SAMD4A: variants seen among roughly 807,000 people sequenced by gnomAD.
SAMD4A encodes the protein sterile alpha motif domain containing 4A.
Under a neutral mutation model 81.3 loss-of-function variants are expected in SAMD4A, and 33 were observed. The ratio of observed to expected loss-of-function variants is 0.41; its 90% CI spans 0.31 to 0.54. SAMD4A has a LOEUF of 0.54. Ranked by LOEUF, SAMD4A falls within the 20% of genes least tolerant of loss-of-function variation. The pLI is 0.37. For missense variants in SAMD4A, 854 were observed against 951.1 expected, an observed-to-expected ratio of 0.90 and a Z score of 1.34; for synonymous variants, 389 against 382.1, an observed-to-expected ratio of 1.02 and a Z score of -0.21.
At chr14:54,735,508 A>T (rs763136843) in intron 3 of SAMD4A, among the ~76,000 whole-genome samples, 33 of 152,242 alleles carry the variant, frequency 2.2e-4, no homozygotes, top group Admixed American at 1.6e-3. Context: ...CTTTTCATTC[A>T]TAAAGAAGTT....
chr14:54,733,601 T>G (rs1013254157), intron 3 of SAMD4A, among the ~76,000 whole-genome samples: 1 of 152,218 alleles, frequency 6.6e-6, no homozygotes, highest in Non-Finnish European at 1.5e-5. Context: ...TGCCAATTTC[T>G]AATCTAGGTT....
At chr14:54,583,596 G>A (rs1032730850) in intron 2 of SAMD4A, among the ~76,000 whole-genome samples, 1 of 152,082 alleles carries the variant, frequency 6.6e-6, no homozygotes, top group African/African-American at 2.4e-5. Flanking sequence ...GAGCTGATTT[G>A]AGCTTTCTTC....
chr14:54,567,903 G>A lies in SAMD4A; in HGVS notation c.-14G>A. On this transcript the variant is annotated 5_prime_UTR_variant, in exon 2 of 13. Coordinates refer to ENST00000554335, the MANE Select transcript of SAMD4A (RefSeq NM_015589.6). ...GCCCAGGGGGCTCTGTAGACCGAGG[G>A]CGGCCCCCTAACCATGATGTTTCGC... 1 of 1,601,998 alleles carries A rather than the reference G, an allele frequency of 6.2e-7. No homozygotes were observed. Among genetic ancestry groups the A allele is most frequent in the Non-Finnish European group, 8.5e-7 (1 of 1,178,084 alleles).
intron 3 of SAMD4A, among the ~76,000 whole-genome samples, chr14:54,706,363 G>T (rs2036857099): frequency 6.6e-6 from 1 of 150,998 alleles, no homozygotes; most frequent in African/African-American, 2.4e-5. Context: ...CCAGCACTTT[G>T]GGAGGCCAAG....
intron 2 of SAMD4A, among the ~76,000 whole-genome samples, chr14:54,678,476 T>TAGGTCAG (rs1333149990): frequency 6.8e-5 from 5 of 73,440 alleles, no homozygotes; most frequent in African/African-American, 8.6e-5. Context: ...TGTGTGTGTG[T>TAGGTCAG]GTGTGTGTGT....
intron 2 of SAMD4A, among the ~76,000 whole-genome samples, chr14:54,584,245 C>T (rs1187587): frequency 0.31 from 47,814 of 151,988 alleles, 7,704 homozygotes; most frequent in East Asian, 0.49. Flanking sequence ...AATTATGTGC[C>T]AGACTGACTT....
At position 54,736,923 on chromosome 14, in the gene SAMD4A, C is replaced by T. The variant is rs1007845888; in HGVS notation, c.716-101C>T. ...TGTGACCATGGATGGAGTTGTAAGA[C>T]AGTTAGTGGTATCTCTCAGGGTTAA... On this transcript the variant is annotated intron_variant, in intron 3 of 12. Coordinates refer to ENST00000554335, the MANE Select transcript of SAMD4A (RefSeq NM_015589.6). The T allele has an allele frequency of 3.0e-6, 4 of 1,334,956 alleles. No individual in the cohort carries two copies. In the Admixed American group the frequency reaches 7.5e-5, roughly 25 times the overall value. 82.7% of individuals were successfully genotyped at this position (1,334,956 alleles called of 1,614,324 possible).
At chr14:54,727,967 G>A (rs1325110714) in intron 3 of SAMD4A, among the ~76,000 whole-genome samples, 2 of 152,162 alleles carry the variant, frequency 1.3e-5, no homozygotes, top group East Asian at 1.9e-4. Flanking sequence ...CTCACAGCCT[G>A]TTCTTTTTGC....
chr14:54,630,026 G>T (rs2034856554), intron 2 of SAMD4A, among the ~76,000 whole-genome samples: 1 of 152,138 alleles, frequency 6.6e-6, no homozygotes, highest in Admixed American at 6.5e-5. Flanking sequence ...TTTGGAGGTT[G>T]AATAATATTC....
chr14:54,657,988 C>T (rs998661586), intron 2 of SAMD4A, among the ~76,000 whole-genome samples: 1 of 152,178 alleles, frequency 6.6e-6, no homozygotes, highest in Non-Finnish European at 1.5e-5. Flanking sequence ...GAATTGAACT[C>T]CACGAAGTAG....
intron 2 of SAMD4A, among the ~76,000 whole-genome samples, chr14:54,617,736 A>G (rs1484820394): frequency 3.3e-5 from 5 of 152,228 alleles, no homozygotes; most frequent in African/African-American, 1.2e-4. Flanking sequence ...ACTGATGACA[A>G]CTTTAAAGTG....
chr14:54,642,969 G>A (rs1053643257), intron 2 of SAMD4A, among the ~76,000 whole-genome samples: 1 of 152,220 alleles, frequency 6.6e-6, no homozygotes, highest in Non-Finnish European at 1.5e-5. Context: ...CCTGGACTGT[G>A]AGGGAAACAA....
intron 2 of SAMD4A, among the ~76,000 whole-genome samples, chr14:54,604,621 A>G (rs1742849383): frequency 6.6e-6 from 1 of 152,244 alleles, no homozygotes; most frequent in Admixed American, 6.5e-5. Flanking sequence ...CTGAAAATTT[A>G]TGAACGCTTA....
At chr14:54,660,870 T>C (rs2035627865) in intron 2 of SAMD4A, among the ~76,000 whole-genome samples, 1 of 152,224 alleles carries the variant, frequency 6.6e-6, no homozygotes. Flanking sequence ...ACAGAATTGT[T>C]TGCCTGTTAA....
intron 2 of SAMD4A, among the ~76,000 whole-genome samples, chr14:54,654,858 G>A (rs1277325614): frequency 6.6e-6 from 1 of 152,242 alleles, no homozygotes. Flanking sequence ...GGAGCAGTGT[G>A]CATGAGGAAG....
intron 2 of SAMD4A, among the ~76,000 whole-genome samples, chr14:54,667,780 T>A (rs1339893096): frequency 6.6e-6 from 1 of 152,224 alleles, no homozygotes; most frequent in Non-Finnish European, 1.5e-5. Flanking sequence ...GGGTCCTGCT[T>A]ACTGAGTCTT....
At chr14:54,776,629 G>A (rs917457812) in intron 11 of SAMD4A, 89 bp downstream of exon 11, 12 of 1,341,192 alleles carry the variant, frequency 8.9e-6, no homozygotes, top group Middle Eastern at 1.9e-4. Context: ...GCTTAGCCTC[G>A]ACTGTCACCG....
chr14:54,744,634 T>G (rs899393173), intron 4 of SAMD4A, among the ~76,000 whole-genome samples: 1 of 152,176 alleles, frequency 6.6e-6, no homozygotes, highest in African/African-American at 2.4e-5. Context: ...GATGTGCACA[T>G]GCATGGTGGT....
intron 3 of SAMD4A, among the ~76,000 whole-genome samples, chr14:54,732,682 G>A (rs185798419): frequency 3.2e-4 from 49 of 152,228 alleles, no homozygotes; most frequent in South Asian, 1.2e-3. Context: ...TAAGACTCAA[G>A]CTTCAGTTAT....
Sources: allele counts gnomAD v4.1 joint callset (sites outside exome capture counted in the v4.1 genomes callset), GRCh38; gene constraint gnomAD v4.1.1; transcripts MANE v1.5; gene names NCBI Gene and HGNC (gene_info 2026-07-23, HGNC 2026-07-21).